The following USP3 variants were observed in gnomAD, a reference collection of about 807,000 sequenced individuals.
USP3 encodes the protein ubiquitin specific peptidase 3.
A neutral mutation model predicts 72.3 loss-of-function variants in USP3; 20 were observed. The ratio of observed to expected loss-of-function variants is 0.28; its 90% CI spans 0.19 to 0.40. USP3 has a LOEUF of 0.40. USP3 is among the 10% of genes least tolerant of loss of function. USP3 has a pLI of 1.00. For synonymous variants in USP3, 222 were observed against 225.3 expected (o/e 0.99, Z 0.13); for missense variants, 479 against 633.9 (o/e 0.76, Z 2.62).
intron 7 of USP3, among the ~76,000 whole-genome samples, chr15:63,561,148 C>T (rs1047392202): frequency 6.6e-6 from 1 of 151,934 alleles, no homozygotes; most frequent in Non-Finnish European, 1.5e-5. Context: ...GTTGAAAGTG[C>T]CTGCATTCAA....
chr15:63,584,789 C>A (rs1331733725), intron 11 of USP3, among the ~76,000 whole-genome samples: 3 of 152,088 alleles, frequency 2.0e-5, no homozygotes, highest in African/African-American at 7.2e-5. Flanking sequence ...TCTATTTTTT[C>A]TTTTGTTGCC....
intron 5 of USP3, 37 bp downstream of exon 5, chr15:63,556,785 T>C: frequency 7.2e-7 from 1 of 1,382,452 alleles, no homozygotes; most frequent in East Asian, 2.5e-5. Context: ...TAAGAGTTAG[T>C]TGAGATTTAA....
intron 8 of USP3, among the ~76,000 whole-genome samples, chr15:63,564,584 C>T (rs1411696679): frequency 6.6e-6 from 1 of 152,168 alleles, no homozygotes; most frequent in Admixed American, 6.5e-5. Flanking sequence ...TCCTTTCTAG[C>T]TTCTGTAGCC....
chr15:63,582,154 G>A (rs1034639468), intron 11 of USP3, among the ~76,000 whole-genome samples: 8 of 152,134 alleles, frequency 5.3e-5, no homozygotes, highest in Admixed American at 6.5e-5. Flanking sequence ...TGATTTTTAG[G>A]GCCGGGTATG....
chr15:63,593,995 T>A lies in USP3; in HGVS notation c.*3169T>A, dbSNP rs1473796499. Reference sequence around the variant, plus strand: ...CCTTTGCTTATCCACTGTATTCTACTCAGTGTATAGTGATGACAGATGTAC... The same window carrying A: ...CCTTTGCTTATCCACTGTATTCTACACAGTGTATAGTGATGACAGATGTAC... On this transcript the variant is annotated 3_prime_UTR_variant, in exon 15 of 15. Coordinates refer to ENST00000380324, the MANE Select transcript of USP3 (RefSeq NM_006537.4). 1 of 152,274 alleles carries A rather than the reference T, an allele frequency of 6.6e-6. No individual in the cohort carries two copies. Among genetic ancestry groups the A allele is most frequent in the Non-Finnish European group, 1.5e-5 (1 of 68,058 alleles). The allele number at this position is 152,274 out of a possible 1,614,324, so 9.4% of individuals were successfully genotyped here.
intron 1 of USP3, among the ~76,000 whole-genome samples, chr15:63,512,202 C>G (rs1486626584): frequency 2.0e-5 from 3 of 151,928 alleles, no homozygotes; most frequent in Non-Finnish European, 4.4e-5. Context: ...TCCCAAAGTG[C>G]TGGGATTACA....
chr15:63,505,770 A>G (rs2065705193), intron 1 of USP3, among the ~76,000 whole-genome samples: 1 of 152,088 alleles, frequency 6.6e-6, no homozygotes, highest in African/African-American at 2.4e-5. Context: ...GTCTTTGTTT[A>G]TTAGCTTTGA....
At chr15:63,547,470 T>G (rs1337440446) in intron 3 of USP3, among the ~76,000 whole-genome samples, 1 of 151,994 alleles carries the variant, frequency 6.6e-6, no homozygotes, top group Non-Finnish European at 1.5e-5. Flanking sequence ...TGGCTCAGTC[T>G]TGTAATCCTA....
intron 11 of USP3, among the ~76,000 whole-genome samples, chr15:63,577,531 C>T (rs991539310): frequency 1.3e-5 from 2 of 151,968 alleles, no homozygotes; most frequent in African/African-American, 2.4e-5. Flanking sequence ...CCAAGGCAGG[C>T]GGATCATGAG....
intron 5 of USP3, 165 bp downstream of exon 5, chr15:63,556,913 C>T (rs1478288976): frequency 1.8e-5 from 10 of 566,236 alleles, no homozygotes; most frequent in African/African-American, 7.6e-5. Context: ...CGATTGTTGC[C>T]GTGACCCCAG....
At chr15:63,506,545 C>T (rs140226532) in intron 1 of USP3, among the ~76,000 whole-genome samples, 5 of 152,294 alleles carry the variant, frequency 3.3e-5, no homozygotes, top group African/African-American at 1.2e-4. Flanking sequence ...TGGGCACATA[C>T]ATCTAAAAAA....
chr15:63,563,543 G>C (rs1305964765), intron 8 of USP3, among the ~76,000 whole-genome samples: 1 of 152,000 alleles, frequency 6.6e-6, no homozygotes, highest in Non-Finnish European at 1.5e-5. Context: ...GTCTCACCTC[G>C]CTTGAGCAAA....
intron 1 of USP3, among the ~76,000 whole-genome samples, chr15:63,512,310 C>T (rs1433408887): frequency 7.1e-6 from 1 of 141,568 alleles, no homozygotes; most frequent in Non-Finnish European, 1.5e-5. Flanking sequence ...TCCTCCTCTT[C>T]TTCTTCTTCC....
chr15:63,588,623 T>C lies in USP3; in HGVS notation c.1216-79T>C. ...ATAGGGCAGCTAAAATGTTATTTAC[T>C]GAACTGATAGTAGTATCAAACTTTG... On this transcript the variant is annotated intron_variant, in intron 12 of 14. Coordinates refer to ENST00000380324, the MANE Select transcript of USP3 (RefSeq NM_006537.4). This position sits in a 1 kb window ranked among gnomAD's most constrained non-coding sequence, Gnocchi z 4.6. 3 of 1,108,368 alleles carry C rather than the reference T, an allele frequency of 2.7e-6. No homozygotes were observed. In the South Asian group the frequency reaches 4.2e-5, roughly 16 times the overall value. 68.7% of individuals were successfully genotyped at this position (1,108,368 alleles called of 1,614,324 possible). A position where few individuals can be genotyped will look rare whatever the true frequency, so the allele number is the denominator to read the frequency against.
chr15:63,530,930 C>A (rs2066064873), intron 1 of USP3, among the ~76,000 whole-genome samples: 1 of 152,198 alleles, frequency 6.6e-6, no homozygotes, highest in Non-Finnish European at 1.5e-5. Context: ...TTCTTCCGCA[C>A]CTTTCTGTCA....
chr15:63,585,800 ATTTTTT>A (rs58350832), intron 11 of USP3, among the ~76,000 whole-genome samples: 1 of 135,708 alleles, frequency 7.4e-6, no homozygotes, highest in African/African-American at 2.8e-5. Flanking sequence ...TGTGTCTAGA[ATTTTTT>A]TTTTTTTTTT....
chr15:63,587,093 T>A (rs1285178800), intron 11 of USP3, among the ~76,000 whole-genome samples: 1 of 149,764 alleles, frequency 6.7e-6, no homozygotes, highest in Non-Finnish European at 1.5e-5. Flanking sequence ...GGTTTCTGCT[T>A]GCTACCCAAC....
chr15:63,585,800 A>AT (rs58350832), intron 11 of USP3, among the ~76,000 whole-genome samples: 122,566 of 135,674 alleles, frequency 0.9, 56,113 homozygotes, highest in East Asian at 0.98. Context: ...TGTGTCTAGA[A>AT]TTTTTTTTTT....
Position 63,504,803 on chromosome 15 carries a change from G to C in USP3, c.64G>C (p.Gly22Arg). ...TCCGGACTCAGCCAAGTTCCCCAACGGCTCCCCGTCGTCCTGGTGCTGCAG... is the reference window on the plus strand; with the variant it reads ...TCCGGACTCAGCCAAGTTCCCCAACCGCTCCCCGTCGTCCTGGTGCTGCAG... ...IAPDSAKFPNGSPSSWCCSVC... is the reference protein window; with the variant it reads ...IAPDSAKFPNRSPSSWCCSVC... Residue 22 changes from glycine (G) to arginine (R), a missense_variant, in exon 1 of 15, where the codon GGC becomes CGC. Coordinates refer to ENST00000380324, the MANE Select transcript of USP3 (RefSeq NM_006537.4). 1 of 1,610,676 alleles carries C rather than the reference G, an allele frequency of 6.2e-7. No individual in the cohort carries two copies.
Sources: gnomAD v4.1 joint callset for allele counts (sites outside exome capture counted in the v4.1 genomes callset) on GRCh38, gnomAD v4.1.1 for gene constraint, Gnocchi (gnomAD v3.1) non-coding constraint, MANE v1.5 for transcripts, NCBI Gene and HGNC (gene_info 2026-07-23, HGNC 2026-07-21) for gene names.